UGT1A10: variants seen among roughly 807,000 people sequenced by gnomAD.
The protein encoded by UGT1A10 is UDP-glucuronosyltransferase 1A10.
UGT1A10 carries 49 observed loss-of-function variants against 45.8 expected under a neutral mutation model. The ratio of observed to expected loss-of-function variants is 1.07; its 90% CI spans 0.85 to 1.36. UGT1A10 has a LOEUF of 1.36. Among genes scored for constraint, UGT1A10 ranks in the 40% most tolerant of loss-of-function variants. The pLI, the probability that UGT1A10 is intolerant of heterozygous loss-of-function variation, is 0.00. For missense variants in UGT1A10, 745 were observed against 668.6 expected (o/e 1.11, Z -1.26); for synonymous variants, 284 against 249.7 (o/e 1.14, Z -1.29).
chr2:233,668,458 A>T lies in UGT1A10; in HGVS notation c.855+31081A>T, dbSNP rs577850003. Among the ~76,000 whole-genome samples the T allele has an allele frequency of 1.2e-3, 179 of 152,326 alleles. 1 individual carries two copies. Among genetic ancestry groups the T allele is most frequent in the South Asian group, 6.8e-3 (33 of 4,830 alleles). ...ATTTTCTTAATCCAGTCTACCACTG[A>T]TGGACATTTGGGTTGCTTCCAAGTC... On this transcript the variant is annotated intron_variant, in intron 1 of 4. Coordinates refer to ENST00000344644, the MANE Select transcript of UGT1A10 (RefSeq NM_019075.4).
At chr2:233,704,368 C>G in intron 1 of UGT1A10, among the ~76,000 whole-genome samples, 1 of 150,424 alleles carries the variant, frequency 6.6e-6, no homozygotes, top group East Asian at 1.9e-4. Context: ...TGTTCTAGGG[C>G]TTAGCACATC....
At chr2:233,735,891 A>C (rs2078706865) in intron 1 of UGT1A10, among the ~76,000 whole-genome samples, 2 of 151,822 alleles carry the variant, frequency 1.3e-5, no homozygotes, top group East Asian at 3.9e-4. Flanking sequence ...TGTTAGTCTG[A>C]TGGGCTTCCC....
intron 1 of UGT1A10, among the ~76,000 whole-genome samples, chr2:233,737,198 G>A (rs2078851013): frequency 6.6e-6 from 1 of 152,216 alleles, no homozygotes; most frequent in Non-Finnish European, 1.5e-5. Flanking sequence ...TTGCTGAGCT[G>A]CGGTGGACTC....
rs117393949 is a variant in UGT1A10, at chr2:233,637,955, A to G, written c.855+578A>G. On this transcript the variant is annotated intron_variant, in intron 1 of 4. Transcript: ENST00000344644. ...TACTTTGGATACAATGTAGTTTTTT[A>G]ACCAATTAATATTGATATATATATA... is the stretch of plus-strand genomic sequence containing the variant. Among the ~76,000 whole-genome samples, 27 of 152,294 alleles carry G rather than the reference A, an allele frequency of 1.8e-4. 1 individual carries two copies. In the East Asian group the frequency reaches 5.0e-3, roughly 28 times the overall value.
At chr2:233,764,755 C>T (rs1698636396) in intron 1 of UGT1A10, among the ~76,000 whole-genome samples, 1 of 152,062 alleles carries the variant, frequency 6.6e-6, no homozygotes, top group Non-Finnish European at 1.5e-5. Context: ...TGGTGCAGAC[C>T]CTAGGGAGGA....
intron 1 of UGT1A10, chr2:233,693,769 A>G (rs1451230147): frequency 6.2e-7 from 1 of 1,614,160 alleles, no homozygotes; most frequent in Non-Finnish European, 8.5e-7. Context: ...TTTGGCTGTT[A>G]AGATATGACT....
intron 1 of UGT1A10, among the ~76,000 whole-genome samples, chr2:233,700,363 T>G (rs1575468060): frequency 6.6e-6 from 1 of 152,184 alleles, no homozygotes; most frequent in East Asian, 1.9e-4. Context: ...TTATGGCTGA[T>G]TATCTGGGGC....
At chr2:233,754,136 G>T (rs1695403547) in intron 1 of UGT1A10, among the ~76,000 whole-genome samples, 1 of 152,154 alleles carries the variant, frequency 6.6e-6, no homozygotes. Flanking sequence ...GCAATTAAAA[G>T]CCATCATTAA....
At chr2:233,754,118 A>C (rs562649705) in intron 1 of UGT1A10, among the ~76,000 whole-genome samples, 4 of 152,236 alleles carry the variant, frequency 2.6e-5, no homozygotes, top group Non-Finnish European at 5.9e-5. Flanking sequence ...CATCACGAGC[A>C]TTTATGTGCA....
At chr2:233,709,904 C>T (rs2076096506) in intron 1 of UGT1A10, among the ~76,000 whole-genome samples, 1 of 152,180 alleles carries the variant, frequency 6.6e-6, no homozygotes, top group Non-Finnish European at 1.5e-5. Flanking sequence ...TCTCAGTCAC[C>T]TAATACCTCC....
In UGT1A10 at chr2:233,685,559, A is replaced by G. The variant is rs184912904; in HGVS notation, c.855+48182A>G. Among the ~76,000 whole-genome samples, 5 of 152,332 alleles carry G rather than the reference A, an allele frequency of 3.3e-5. No homozygotes were observed. The East Asian group carries it at 7.7e-4, about 24-fold the overall frequency. The stretch of plus-strand genomic sequence containing the variant: ...CGCATTCTGTTTTTGATCCAAATTC[A>G]AATTTACCTGTTACTGGGCAAGCCC... On this transcript the variant is annotated intron_variant, in intron 1 of 4. Transcript: ENST00000344644.
In UGT1A10 at chr2:233,767,853, T is replaced by C; in HGVS notation, c.992T>C (p.Leu331Pro). 1.2e-6 allele frequency: 2 copies of C among 1,614,210 alleles called. No individual in the cohort carries two copies. The highest frequency in any genetic ancestry group is 1.1e-5 in the South Asian group (1 of 91,084). Residue 331 changes from leucine (L) to proline (P), a missense_variant, in exon 3 of 5, where the codon CTG becomes CCG. By Grantham distance (98) the Leu-to-Pro change is moderately conservative. Transcript: ENST00000344644. The part of the protein sequence containing the change: ...DALGKIPQTV[L>P]WRYTGTRPSN... ...TGCTCTTTTTGCCCCTCCCAGGTCC[T>C]GTGGCGGTACACTGGAACCCGACCA...
At chr2:233,704,255 G>A (rs1278794786) in intron 1 of UGT1A10, among the ~76,000 whole-genome samples, 1 of 76,424 alleles carries the variant, frequency 1.3e-5, no homozygotes, top group African/African-American at 8.7e-5. Flanking sequence ...TGCCTTTATT[G>A]CTTTTTTTTT....
chr2:233,648,765 G>A (rs2073667167), intron 1 of UGT1A10: 1 of 743,294 alleles, frequency 1.3e-6, no homozygotes, highest in Non-Finnish European at 2.1e-6. Flanking sequence ...CACCCAGCCT[G>A]GATGCCATGA....
rs368912757 is a variant in UGT1A10, at chr2:233,681,406, C to T, written c.855+44029C>T. ...AAAGTTAGCTGGGCATGGCAGCGTG[C>T]GCCTGTAATCCCAGCTACTGAGGCT... On this transcript the variant is annotated intron_variant, in intron 1 of 4. Coordinates refer to ENST00000344644, the MANE Select transcript of UGT1A10 (RefSeq NM_019075.4). 1.8e-4 allele frequency among the ~76,000 whole-genome samples: 28 copies of T among 151,766 alleles called. No homozygotes were observed. The South Asian group carries it at 5.2e-3, about 28-fold the overall frequency.
chr2:233,700,454 G>T (rs2075565254), intron 1 of UGT1A10, among the ~76,000 whole-genome samples: 1 of 152,100 alleles, frequency 6.6e-6, no homozygotes, highest in Admixed American at 6.5e-5. Flanking sequence ...ATGCTAGAAT[G>T]ATTCAGCTAA....
chr2:233,708,284 A>C (rs1440900276), intron 1 of UGT1A10, among the ~76,000 whole-genome samples: 1 of 152,172 alleles, frequency 6.6e-6, no homozygotes, highest in Non-Finnish European at 1.5e-5. Flanking sequence ...ATTATCATCA[A>C]ATGCTTTCAG....
intron 1 of UGT1A10, among the ~76,000 whole-genome samples, chr2:233,679,969 T>C (rs1273128674): frequency 6.6e-6 from 1 of 152,200 alleles, no homozygotes; most frequent in Admixed American, 6.5e-5. Context: ...CTGGCATAGC[T>C]GCAGCAATGT....
intron 1 of UGT1A10, among the ~76,000 whole-genome samples, chr2:233,762,648 C>T (rs564771250): frequency 6.6e-6 from 1 of 151,468 alleles, no homozygotes; most frequent in African/African-American, 2.4e-5. Context: ...AAAAGATAAG[C>T]TATTTTGTAG....
Sources: gnomAD v4.1 joint callset for allele counts (sites outside exome capture counted in the v4.1 genomes callset) on GRCh38, gnomAD v4.1.1 for gene constraint, MANE v1.5 for transcripts, NCBI Gene and HGNC (gene_info 2026-07-23, HGNC 2026-07-21) for gene names.